MGMT: variants seen among roughly 807,000 people sequenced by gnomAD.
The protein encoded by MGMT is methylated-DNA--protein-cysteine methyltransferase.
MGMT carries 14 observed loss-of-function variants against 15.9 expected under a neutral mutation model. The ratio of observed to expected loss-of-function variants is 0.88; its 90% CI spans 0.58 to 1.37. The LOEUF (loss-of-function observed/expected upper bound fraction) is 1.37. Among genes scored for constraint, MGMT ranks in the 40% most tolerant of loss-of-function variants. The pLI, the probability that MGMT is intolerant of heterozygous loss-of-function variation, is 0.00. For synonymous variants in MGMT, 130 were observed against 118.2 expected (o/e 1.10, Z -0.65); for missense variants, 282 against 268.1 (o/e 1.05, Z -0.36).
chr10:129,716,054 G>T (rs962406159), intron 3 of MGMT, among the ~76,000 whole-genome samples: 1 of 152,200 alleles, frequency 6.6e-6, no homozygotes. Context: ...ACTTCCTGGA[G>T]GCTCAGCCGG....
chr10:129,631,378 G>GA (rs1365372635), intron 2 of MGMT, among the ~76,000 whole-genome samples: 19 of 152,184 alleles, frequency 1.2e-4, no homozygotes, highest in African/African-American at 4.6e-4. Context: ...ACAGAAGAAT[G>GA]AAGGACTCTT....
At chr10:129,683,923 T>G (rs547321445) in intron 2 of MGMT, among the ~76,000 whole-genome samples, 4 of 152,320 alleles carry the variant, frequency 2.6e-5, no homozygotes, top group Non-Finnish European at 1.5e-5. Context: ...CATTTCACAG[T>G]GTATTTTTTT....
chr10:129,644,105 A>G (rs1847358923), intron 2 of MGMT, among the ~76,000 whole-genome samples: 1 of 152,148 alleles, frequency 6.6e-6, no homozygotes, highest in African/African-American at 2.4e-5. Flanking sequence ...TGTTCTTCCT[A>G]GCAGACATCA....
In MGMT at chr10:129,556,021, A is replaced by G. The variant is rs1257413733; in HGVS notation, c.125+19644A>G. 6.6e-6 allele frequency among the ~76,000 whole-genome samples: 1 copy of G among 152,158 alleles called. No individual in the cohort carries two copies. Among genetic ancestry groups the G allele is most frequent in the African/African-American group, 2.4e-5 (1 of 41,454 alleles). On this transcript the variant is annotated intron_variant, in intron 2 of 4. Coordinates refer to ENST00000651593, the MANE Select transcript of MGMT (RefSeq NM_002412.5). The surrounding 1 kb of genome is among the most constrained non-coding windows in gnomAD (Gnocchi z 4.3). ...TGTCGAGGGGCTCTTCTGCCTCTTC[A>G]GAAACCATCATCAGCTGTGAAATGT...
At chr10:129,468,448 G>A (rs1160322549) in intron 1 of MGMT, among the ~76,000 whole-genome samples, 2 of 152,210 alleles carry the variant, frequency 1.3e-5, no homozygotes, top group South Asian at 4.1e-4. Flanking sequence ...GCTCTGCCGC[G>A]TGTCTTTCTT....
chr10:129,638,429 C>CAAAAAAAAAAAAAAAAAAAAAAAAAA lies in MGMT; in HGVS notation c.126-69450_126-69449insAAAAAAAAAAAAAAAAAAAAAAAAAA. Among the ~76,000 whole-genome samples the CAAAAAAAAAAAAAAAAAAAAAAAAAA allele has an allele frequency of 8.9e-4, 55 of 61,776 alleles. 7 individuals are homozygous for CAAAAAAAAAAAAAAAAAAAAAAAAAA. Among genetic ancestry groups the CAAAAAAAAAAAAAAAAAAAAAAAAAA allele is most frequent in the Non-Finnish European group, 1.1e-3 (33 of 30,732 alleles). 40.5% of individuals were successfully genotyped at this position (61,776 alleles called of 152,430 possible). On this transcript the variant is annotated intron_variant, in intron 2 of 4. Coordinates refer to ENST00000651593, the MANE Select transcript of MGMT (RefSeq NM_002412.5). The stretch of plus-strand genomic sequence containing the variant: ...GAAGTCCAAGAGAGGACCAAAGAGG[C>CAAAAAAAAAAAAAAAAAAAAAAAAAA]AAAAAAAAAAAAAAAAGAAAAAAAA...
rs1340823365 is a variant in MGMT, at chr10:129,556,731, AG to A, written c.125+20355del. ...AATGGTATTTTACACATATTTGAAA[AG>A]AAAGGTTTGAGAAGGCATCCATTAT... On this transcript the variant is annotated intron_variant, in intron 2 of 4. Transcript: ENST00000651593. This position sits in a 1 kb window ranked among gnomAD's most constrained non-coding sequence, Gnocchi z 4.3. Among the ~76,000 whole-genome samples the A allele has an allele frequency of 6.6e-6, 1 of 152,228 alleles. No individual in the cohort carries two copies.
intron 1 of MGMT, among the ~76,000 whole-genome samples, chr10:129,481,096 T>C (rs1177403389): frequency 6.6e-6 from 1 of 152,184 alleles, no homozygotes; most frequent in Non-Finnish European, 1.5e-5. Context: ...CCTCCTAGAG[T>C]TTGGTGTCAA....
intron 1 of MGMT, among the ~76,000 whole-genome samples, chr10:129,527,767 T>TA (rs71035595): frequency 6.6e-6 from 1 of 151,868 alleles, no homozygotes; most frequent in Non-Finnish European, 1.5e-5. Flanking sequence ...TTCTCCGACT[T>TA]CATCCCAGGA....
At chr10:129,738,130 A>G (rs945507001) in intron 3 of MGMT, among the ~76,000 whole-genome samples, 16 of 152,246 alleles carry the variant, frequency 1.1e-4, no homozygotes, top group African/African-American at 3.4e-4. Flanking sequence ...AGCCTGGGCA[A>G]TGGCGGGTGC....
At chr10:129,481,299 C>G (rs1845355685) in intron 1 of MGMT, among the ~76,000 whole-genome samples, 1 of 152,174 alleles carries the variant, frequency 6.6e-6, no homozygotes, top group Non-Finnish European at 1.5e-5. Flanking sequence ...ATTTTGTGTT[C>G]CTGGATAAAT....
rs1056165246 is a variant in MGMT at position 129,556,389 on chromosome 10, C to A, written c.125+20012C>A. Reference sequence around the variant, plus strand: ...AGATGGAGGTTGTGGCACAGACACACGGAGGGATGGCCACGTGAGGACCCT... The same window carrying A: ...AGATGGAGGTTGTGGCACAGACACAAGGAGGGATGGCCACGTGAGGACCCT... On this transcript the variant is annotated intron_variant, in intron 2 of 4. Transcript: ENST00000651593. This position sits in a 1 kb window ranked among gnomAD's most constrained non-coding sequence, Gnocchi z 4.3. 6.6e-6 allele frequency among the ~76,000 whole-genome samples: 1 copy of A among 152,142 alleles called. No individual in the cohort carries two copies. The highest frequency in any genetic ancestry group is 2.4e-5 in the African/African-American group (1 of 41,424).
At chr10:129,514,177 G>T (rs919025448) in intron 1 of MGMT, among the ~76,000 whole-genome samples, 4 of 152,120 alleles carry the variant, frequency 2.6e-5, no homozygotes, top group African/African-American at 9.7e-5. Context: ...ATTTTTGTTC[G>T]TGTTTGAAAT....
At chr10:129,611,787 C>G (rs748522869) in intron 2 of MGMT, among the ~76,000 whole-genome samples, 1 of 152,102 alleles carries the variant, frequency 6.6e-6, no homozygotes, top group Non-Finnish European at 1.5e-5. Flanking sequence ...TCGAGAGCAG[C>G]GGTGAAGTAT....
At chr10:129,690,903 T>A (rs1350878279) in intron 2 of MGMT, among the ~76,000 whole-genome samples, 2 of 152,082 alleles carry the variant, frequency 1.3e-5, no homozygotes, top group Non-Finnish European at 2.9e-5. Context: ...TCGGGGAGGC[T>A]TGTGAGCAGG....
intron 2 of MGMT, among the ~76,000 whole-genome samples, chr10:129,623,163 A>G (rs1477082144): frequency 6.6e-6 from 1 of 152,022 alleles, no homozygotes; most frequent in Non-Finnish European, 1.5e-5. Flanking sequence ...GATATAAGCA[A>G]AGTTTACAAT....
intron 2 of MGMT, among the ~76,000 whole-genome samples, chr10:129,672,186 G>A (rs1043378902): frequency 2.0e-5 from 3 of 152,124 alleles, no homozygotes; most frequent in African/African-American, 7.2e-5. Flanking sequence ...TTTGTTATAG[G>A]GGTCTAGGTT....
chr10:129,488,225 A>T (rs1845433169), intron 1 of MGMT, among the ~76,000 whole-genome samples: 1 of 152,052 alleles, frequency 6.6e-6, no homozygotes, highest in East Asian at 1.9e-4. Flanking sequence ...CAGTTAATCC[A>T]CCTCCTCACC....
chr10:129,518,373 CAT>C (rs1845764307), intron 1 of MGMT, among the ~76,000 whole-genome samples: 1 of 149,784 alleles, frequency 6.7e-6, no homozygotes, highest in African/African-American at 2.5e-5. Flanking sequence ...CACACACACA[CAT>C]TTGGCCCTTG....
Sources: gnomAD v4.1 joint callset for allele counts (sites outside exome capture counted in the v4.1 genomes callset) on GRCh38, gnomAD v4.1.1 for gene constraint, Gnocchi (gnomAD v3.1) non-coding constraint, MANE v1.5 for transcripts, NCBI Gene and HGNC (gene_info 2026-07-23, HGNC 2026-07-21) for gene names.